CDK15: variants seen among roughly 807,000 people sequenced by gnomAD.
The protein encoded by CDK15 is cyclin-dependent kinase 15.
In CDK15, 62 loss-of-function variants were observed where a neutral mutation model predicts 60.3. That is an observed-to-expected ratio of 1.03 (90% CI 0.84 to 1.27). The LOEUF (loss-of-function observed/expected upper bound fraction) is 1.27, where lower values mean the gene tolerates loss of function less well. Ranked by LOEUF, CDK15 falls within the 50% of genes most tolerant of loss-of-function variation. The pLI is 0.00. For missense variants in CDK15, 541 were observed against 527.8 expected, an observed-to-expected ratio of 1.03 and a Z score of -0.25; for synonymous variants, 194 against 195.7, an observed-to-expected ratio of 0.99 and a Z score of 0.07.
chr2:201,862,938 G>C (rs1360162611), intron 10 of CDK15, among the ~76,000 whole-genome samples: 1 of 152,136 alleles, frequency 6.6e-6, no homozygotes, highest in Non-Finnish European at 1.5e-5. Flanking sequence ...CTGTGAGCCT[G>C]GCGACATATT....
intron 9 of CDK15, among the ~76,000 whole-genome samples, chr2:201,851,596 T>C (rs190937026): frequency 2.4e-4 from 37 of 152,316 alleles, no homozygotes; most frequent in African/African-American, 7.7e-4. Flanking sequence ...TACTGTTGCA[T>C]TGGGGATAAA....
chr2:201,837,446 GA>G (rs1286384698), intron 8 of CDK15, among the ~76,000 whole-genome samples: 7 of 65,630 alleles, frequency 1.1e-4, no homozygotes, highest in African/African-American at 2.5e-4. Flanking sequence ...AGGAAGGAAG[GA>G]AAGGAAGGAA....
intron 6 of CDK15, among the ~76,000 whole-genome samples, chr2:201,828,876 A>AC (rs1696625002): frequency 6.6e-6 from 1 of 151,790 alleles, no homozygotes. Context: ...TTAACCTTCA[A>AC]CCCCTCTCCC....
intron 11 of CDK15, among the ~76,000 whole-genome samples, chr2:201,874,052 T>G (rs1408488167): frequency 2.8e-4 from 7 of 25,054 alleles, no homozygotes; most frequent in South Asian, 3.5e-3. Context: ...AGACTCCGTC[T>G]CAAAAAAAAA....
Position 201,835,651 on chromosome 2 carries a change from C to G in CDK15, c.739C>G (p.Arg247Gly). ...ELKLADFGLA[R>G]AKSIPSQTYS... ...TTTTCCCTTTTGGACAGGTCTTGCC[C>G]GGGCCAAGTCCATTCCCAGCCAGAC... The change falls in exon 8 of 14, where the codon CGG becomes GGG. Residue 247 changes from arginine (R) to glycine (G), a missense_variant. Coordinates refer to ENST00000652192, the MANE Select transcript of CDK15 (RefSeq NM_001366386.2). 1.2e-6 allele frequency: 2 copies of G among 1,605,206 alleles called. No individual in the cohort carries two copies. Among genetic ancestry groups the G allele is most frequent in the Non-Finnish European group, 1.7e-6 (2 of 1,174,446 alleles).
At chr2:201,824,725 C>T (rs757448829) in intron 6 of CDK15, 1 of 546,940 alleles carries the variant, frequency 1.8e-6, no homozygotes, top group Non-Finnish European at 2.8e-6. Flanking sequence ...AGCAAAATGG[C>T]AGAATTCATA....
rs778197765 is a variant in CDK15 at position 201,806,806 on chromosome 2, A to C, written c.123+19A>C. On this transcript the variant is annotated intron_variant, in intron 1 of 13. Transcript: ENST00000652192. Reference sequence around the variant, plus strand: ...GTTCAAGGTATTTGTATCCCAGGAGAGAGCATCTTTCTCTATTGATAAACC... The same window carrying C: ...GTTCAAGGTATTTGTATCCCAGGAGCGAGCATCTTTCTCTATTGATAAACC... 1.9e-6 allele frequency: 3 copies of C among 1,597,106 alleles called. No homozygotes were observed. The highest frequency in any genetic ancestry group is 2.5e-6 in the Non-Finnish European group (3 of 1,178,726).
intron 6 of CDK15, chr2:201,824,661 G>T: frequency 6.0e-6 from 2 of 335,868 alleles, no homozygotes; most frequent in South Asian, 3.8e-5. Flanking sequence ...AAATTAATAT[G>T]AGTAGAGTTA....
chr2:201,854,341 T>C (rs1317498558), intron 9 of CDK15, among the ~76,000 whole-genome samples: 1 of 152,188 alleles, frequency 6.6e-6, no homozygotes, highest in African/African-American at 2.4e-5. Context: ...GAGTTAGTTT[T>C]GGGGTCATCT....
At chr2:201,817,493 A>T (rs1290196047) in intron 4 of CDK15, among the ~76,000 whole-genome samples, 2 of 152,212 alleles carry the variant, frequency 1.3e-5, no homozygotes, top group Non-Finnish European at 2.9e-5. Flanking sequence ...TCTATCATTG[A>T]TTCTACAGTG....
intron 6 of CDK15, among the ~76,000 whole-genome samples, chr2:201,825,466 G>A (rs1265745680): frequency 6.6e-6 from 1 of 151,184 alleles, no homozygotes; most frequent in African/African-American, 2.4e-5. Context: ...GTAAGGTTTT[G>A]GAAAGGAATG....
At chr2:201,850,030 G>T (rs1697838818) in intron 9 of CDK15, among the ~76,000 whole-genome samples, 1 of 152,166 alleles carries the variant, frequency 6.6e-6, no homozygotes, top group Admixed American at 6.5e-5. Flanking sequence ...TCACCATGTT[G>T]GTCAGGCTGG....
chr2:201,818,154 G>A (rs532195881), intron 4 of CDK15, among the ~76,000 whole-genome samples: 58 of 152,236 alleles, frequency 3.8e-4, no homozygotes, highest in African/African-American at 1.3e-3. Context: ...CCACATGCCA[G>A]GCCTGTGCTA....
rs985033206 is a variant in CDK15 at position 201,824,896 on chromosome 2, T to C, written c.606+1169T>C. 11 of 507,068 alleles carry C rather than the reference T, an allele frequency of 2.2e-5. No homozygotes were observed. In the Admixed American group the frequency reaches 4.7e-4, roughly 22 times the overall value. 31.4% of individuals were successfully genotyped at this position (507,068 alleles called of 1,614,324 possible). On this transcript the variant is annotated intron_variant, in intron 6 of 13. Transcript: ENST00000652192. The stretch of plus-strand genomic sequence containing the variant: ...CATACTTGATGTAAGCAGTCTTCAT[T>C]TTCCATAGTAGTAAATTTTCTAGAT...
At chr2:201,847,299 T>C in intron 8 of CDK15, 82 bp from the exon 9 acceptor site, 1 of 1,347,012 alleles carries the variant, frequency 7.4e-7, no homozygotes, top group Non-Finnish European at 1.0e-6. Flanking sequence ...AAAATATTTC[T>C]TGGGAAGAGA....
At chr2:201,878,737 G>C (rs527854291) in intron 11 of CDK15, among the ~76,000 whole-genome samples, 1 of 152,300 alleles carries the variant, frequency 6.6e-6, no homozygotes, top group South Asian at 2.1e-4. Context: ...CCAAGACCAA[G>C]GTGCCAGCAG....
intron 10 of CDK15, chr2:201,861,315 C>G: frequency 1.0e-6 from 1 of 989,258 alleles, no homozygotes; most frequent in Non-Finnish European, 1.2e-6. Flanking sequence ...TAGCCCGATT[C>G]TACAGATGAG....
rs1023850858 is a variant in CDK15, at chr2:201,882,928, G to A, written c.1198+2761G>A. Among the ~76,000 whole-genome samples, 2 of 152,258 alleles carry A rather than the reference G, an allele frequency of 1.3e-5. No individual in the cohort carries two copies. The highest frequency in any genetic ancestry group is 2.4e-5 in the African/African-American group (1 of 41,540). On this transcript the variant is annotated intron_variant, in intron 12 of 13. Transcript: ENST00000652192. The surrounding 1 kb of genome is among the most constrained non-coding windows in gnomAD (Gnocchi z 4.0). Reference sequence around the variant, plus strand: ...CTGCTTTTTCATTGCCCCTGGCAATGAGCCTTTATTAACAGCCTCCTTTGC... The same window carrying A: ...CTGCTTTTTCATTGCCCCTGGCAATAAGCCTTTATTAACAGCCTCCTTTGC...
chr2:201,873,729 T>C (rs1229862412), intron 11 of CDK15, among the ~76,000 whole-genome samples: 2 of 152,236 alleles, frequency 1.3e-5, no homozygotes, highest in African/African-American at 4.8e-5. Flanking sequence ...CTCAGACTTC[T>C]GGCTTCTCTG....
Sources: allele counts gnomAD v4.1 joint callset (sites outside exome capture counted in the v4.1 genomes callset), GRCh38; gene constraint gnomAD v4.1.1; non-coding constraint Gnocchi (gnomAD v3.1); transcripts MANE v1.5; gene names NCBI Gene and HGNC (gene_info 2026-07-23, HGNC 2026-07-21).